Variants in ARHGEF28 observed in about 807,000 individuals in gnomAD.
The protein encoded by ARHGEF28 is 190 kDa guanine nucleotide exchange factor.
In ARHGEF28, 152 loss-of-function variants were observed where a neutral mutation model predicts 206.6. The ratio of observed to expected loss-of-function variants is 0.74; its 90% CI spans 0.64 to 0.84. The LOEUF is 0.84. ARHGEF28 is among the 40% of genes least tolerant of loss of function. The pLI, the probability that ARHGEF28 is intolerant of heterozygous loss-of-function variation, is 0.00. For synonymous variants in ARHGEF28, 763 were observed against 776.4 expected (o/e 0.98, Z 0.29); for missense variants, 2,028 against 2,073.2 (o/e 0.98, Z 0.42).
At chr5:73,670,861 T>C (rs1291508271) in intron 1 of ARHGEF28, among the ~76,000 whole-genome samples, 1 of 152,248 alleles carries the variant, frequency 6.6e-6, no homozygotes, top group African/African-American at 2.4e-5. Flanking sequence ...TTTTGCATAC[T>C]AGCCCTTTGA....
At chr5:73,718,317 A>T (rs1420560633) in intron 2 of ARHGEF28, among the ~76,000 whole-genome samples, 1 of 152,224 alleles carries the variant, frequency 6.6e-6, no homozygotes, top group African/African-American at 2.4e-5. Context: ...GTAGCAGAAG[A>T]TGACAAAATG....
chr5:73,910,857 G>C (rs950276311), intron 34 of ARHGEF28, among the ~76,000 whole-genome samples: 1 of 152,156 alleles, frequency 6.6e-6, no homozygotes, highest in Non-Finnish European at 1.5e-5. Flanking sequence ...AGTGCCTAAA[G>C]TTGTAGAAGT....
chr5:73,707,869 A>G (rs1401567119), intron 2 of ARHGEF28, among the ~76,000 whole-genome samples: 1 of 152,196 alleles, frequency 6.6e-6, no homozygotes, highest in Non-Finnish European at 1.5e-5. Flanking sequence ...TCTGGAAAAT[A>G]GAAGTTGATG....
In ARHGEF28 at chr5:73,909,592, CAGCAGG is replaced by C; in HGVS notation, c.4348_4353del (p.Glu1450_Gln1451del). 6.4e-7 allele frequency: 1 copy of C among 1,557,300 alleles called. No homozygotes were observed. Among genetic ancestry groups the C allele is most frequent in the Non-Finnish European group, 8.7e-7 (1 of 1,150,880 alleles). ...TGTGCACCAGCTTCAGCACCAGCTC[CAGCAGG>C]AGCAGCGGCGCTGGCTGCGCAGGTG... On this transcript the variant is annotated inframe_deletion, in exon 34 of 36. Coordinates refer to ENST00000513042, the MANE Select transcript of ARHGEF28 (RefSeq NM_001177693.2).
At chr5:73,696,299 C>T (rs1048708471) in intron 2 of ARHGEF28, among the ~76,000 whole-genome samples, 1 of 152,096 alleles carries the variant, frequency 6.6e-6, no homozygotes, top group Non-Finnish European at 1.5e-5. Flanking sequence ...CTGCAGAAAC[C>T]CTTTACGCCA....
At chr5:73,647,600 C>T (rs1378630961) in intron 1 of ARHGEF28, among the ~76,000 whole-genome samples, 1 of 152,224 alleles carries the variant, frequency 6.6e-6, no homozygotes, top group Non-Finnish European at 1.5e-5. Context: ...CCTACTATAT[C>T]TAAAATATTG....
At chr5:73,729,859 G>A (rs180857034) in intron 2 of ARHGEF28, among the ~76,000 whole-genome samples, 158 of 152,284 alleles carry the variant, frequency 1.0e-3, no homozygotes, top group Non-Finnish European at 1.9e-3. Flanking sequence ...ACTAACTATT[G>A]TTTTAATCTT....
intron 9 of ARHGEF28, among the ~76,000 whole-genome samples, chr5:73,822,364 A>C (rs1756650883): frequency 1.3e-5 from 2 of 152,058 alleles, no homozygotes; most frequent in Admixed American, 1.3e-4. Context: ...TTGGATTGAG[A>C]CTCTAGTGTG....
In ARHGEF28 at chr5:73,879,882, G is replaced by A. The variant is rs567551727; in HGVS notation, c.2815-2590G>A. Among the ~76,000 whole-genome samples, 31 of 152,312 alleles carry A rather than the reference G, an allele frequency of 2.0e-4. No homozygotes were observed. In the South Asian group the frequency reaches 2.9e-3, roughly 14 times the overall value. ...GGCTGCTCGGGGGTCAGGGGTCAGG[G>A]ACCCACTTGAGGAGGCAGTCTGCCC... is the stretch of plus-strand genomic sequence containing the variant. On this transcript the variant is annotated intron_variant, in intron 22 of 35. Coordinates refer to ENST00000513042, the MANE Select transcript of ARHGEF28 (RefSeq NM_001177693.2).
chr5:73,892,172 A>G lies in ARHGEF28; in HGVS notation c.3508A>G (p.Thr1170Ala). 6.3e-7 allele frequency: 1 copy of G among 1,580,112 alleles called. No individual in the cohort carries two copies. The highest frequency in any genetic ancestry group is 8.6e-7 in the Non-Finnish European group (1 of 1,161,372). Residue 1170 changes from threonine to alanine, a missense_variant, in exon 27 of 36, where the codon ACC becomes GCC. By Grantham distance (58) the Thr-to-Ala change is moderately conservative (BLOSUM62 0). Transcript: ENST00000513042. The stretch of plus-strand genomic sequence containing the variant: ...TGGTCCTGAGATGTATGAAATTCAC[A>G]CCAATTCCAAGGAGGAACGCAATAA... ...SAGPEMYEIHTNSKEERNNWM... is the reference protein window; with the variant it reads ...SAGPEMYEIHANSKEERNNWM...
rs1357514579 is a variant in ARHGEF28, at chr5:73,877,048, T to G, written c.2814+3802T>G. Among the ~76,000 whole-genome samples the G allele has an allele frequency of 6.6e-3, 881 of 132,656 alleles. 38 individuals carry two copies. Among genetic ancestry groups the G allele is most frequent in the Admixed American group, 0.06 (769 of 12,750 alleles). The allele number at this position is 132,656 out of a possible 152,430, so 87.0% of individuals were successfully genotyped here. On this transcript the variant is annotated intron_variant, in intron 22 of 35. Coordinates refer to ENST00000513042, the MANE Select transcript of ARHGEF28 (RefSeq NM_001177693.2). ...AGAATTTGGCTGTGAATCCATCTGG[T>G]CCTGGACTCTTTTTGGTTGGTAAGC...
chr5:73,640,249 T>C (rs1412009685), intron 1 of ARHGEF28, among the ~76,000 whole-genome samples: 6 of 152,214 alleles, frequency 3.9e-5, no homozygotes, highest in Non-Finnish European at 7.3e-5. Context: ...GTGCTACTGG[T>C]ATTCCAGTCC....
At chr5:73,766,153 C>CAAA (rs369385323) in intron 4 of ARHGEF28, among the ~76,000 whole-genome samples, 2 of 114,754 alleles carry the variant, frequency 1.7e-5, no homozygotes, top group African/African-American at 5.9e-5. Flanking sequence ...GACTCCATCT[C>CAAA]AAAAAAAAAA....
Position 73,869,995 on chromosome 5 carries a change from A to G in ARHGEF28, c.2426-74A>G, listed in dbSNP as rs566180924. The G allele has an allele frequency of 2.0e-5, 30 of 1,517,030 alleles. 1 individual carries two copies. Among genetic ancestry groups the G allele is most frequent in the South Asian group, 3.8e-5 (3 of 79,186 alleles). 94.0% of individuals were successfully genotyped at this position (1,517,030 alleles called of 1,614,324 possible). A position where few individuals can be genotyped will look rare whatever the true frequency, so the allele number is the denominator to read the frequency against. ...CAGATTTATTTAGGGTGAGGAATCCATAGACAAATATACGAAGGTATATTT... is the reference window on the plus strand; with the variant it reads ...CAGATTTATTTAGGGTGAGGAATCCGTAGACAAATATACGAAGGTATATTT... On this transcript the variant is annotated intron_variant, in intron 20 of 35. Coordinates refer to ENST00000513042, the MANE Select transcript of ARHGEF28 (RefSeq NM_001177693.2).
At position 73,926,880 on chromosome 5, in the gene ARHGEF28, C is replaced by T. The variant is rs77564072; in HGVS notation, c.4949-13964C>T. Among the ~76,000 whole-genome samples, 83 of 152,360 alleles carry T rather than the reference C, an allele frequency of 5.4e-4. No individual in the cohort carries two copies. In the East Asian group the frequency reaches 0.014, roughly 25 times the overall value. On this transcript the variant is annotated intron_variant, in intron 35 of 35. Transcript: ENST00000513042. Reference sequence around the variant, plus strand: ...TAAGGGACACGTATGTAGTGGCCCTCAGCAGTCTGATAGGAGCTGAGGCTG... The same window carrying T: ...TAAGGGACACGTATGTAGTGGCCCTTAGCAGTCTGATAGGAGCTGAGGCTG...
intron 9 of ARHGEF28, among the ~76,000 whole-genome samples, chr5:73,821,881 T>C (rs554737480): frequency 3.3e-4 from 50 of 152,222 alleles, no homozygotes; most frequent in African/African-American, 1.2e-3. Context: ...CAAGAGTCCT[T>C]TTTCCAAACA....
intron 9 of ARHGEF28, among the ~76,000 whole-genome samples, chr5:73,805,659 G>A (rs1198311633): frequency 3.9e-5 from 6 of 152,184 alleles, no homozygotes; most frequent in African/African-American, 1.2e-4. Flanking sequence ...GGGGGAAGAG[G>A]CTAGAGTGAT....
At chr5:73,725,932 A>G (rs1750243376) in intron 2 of ARHGEF28, among the ~76,000 whole-genome samples, 1 of 152,214 alleles carries the variant, frequency 6.6e-6, no homozygotes, top group Non-Finnish European at 1.5e-5. Flanking sequence ...TCAGGGCTCA[A>G]CTGCAAGACA....
chr5:73,784,902 G>C (rs1371184795), intron 7 of ARHGEF28, among the ~76,000 whole-genome samples: 1 of 152,154 alleles, frequency 6.6e-6, no homozygotes, highest in Non-Finnish European at 1.5e-5. Flanking sequence ...TTGGACATAA[G>C]CACTGCCATA....
Sources: allele counts gnomAD v4.1 joint callset (sites outside exome capture counted in the v4.1 genomes callset), GRCh38; gene constraint gnomAD v4.1.1; transcripts MANE v1.5; gene names NCBI Gene and HGNC (gene_info 2026-07-23, HGNC 2026-07-21).